Variants in NYAP1 observed in about 807,000 individuals in gnomAD.
NYAP1 encodes neuronal tyrosine phosphorylated phosphoinositide-3-kinase adaptor 1.
A neutral mutation model predicts 58.6 loss-of-function variants in NYAP1; 20 were observed. The observed-to-expected ratio is 0.34, with a 90% CI of 0.24 to 0.50. The LOEUF (loss-of-function observed/expected upper bound fraction) is 0.50, where lower values mean the gene tolerates loss of function less well. Ranked by LOEUF, NYAP1 falls within the 20% of genes least tolerant of loss-of-function variation. NYAP1 has a pLI of 0.98. For missense variants in NYAP1, 1,150 were observed against 1,194.5 expected (o/e 0.96, Z 0.55); for synonymous variants, 572 against 523.1 (o/e 1.09, Z -1.27).
At position 100,485,828 on chromosome 7, in the gene NYAP1, G is replaced by A. The variant is rs1799694881; in HGVS notation, c.68+449G>A. Among the ~76,000 whole-genome samples, 1 of 152,186 alleles carries A rather than the reference G, an allele frequency of 6.6e-6. No homozygotes were observed. The highest frequency in any genetic ancestry group is 2.4e-5 in the African/African-American group (1 of 41,444). ...TGGGGGAGGTGAGTGGTCAAGTGAT[G>A]GGGTTGTGTGTGTGGTGGGCAGACA... On this transcript the variant is annotated intron_variant, in intron 2 of 6. Coordinates refer to ENST00000300179, the MANE Select transcript of NYAP1 (RefSeq NM_173564.4). The surrounding 1 kb of genome is among the most constrained non-coding windows in gnomAD (Gnocchi z 5.7).
chr7:100,484,157 A>T (rs1019109838), intron 1 of NYAP1, among the ~76,000 whole-genome samples, 156 bp downstream of exon 1: 17 of 150,940 alleles, frequency 1.1e-4, no homozygotes, highest in African/African-American at 4.2e-4. Flanking sequence ...CCTTGGATGG[A>T]GAAGGGGGAT....
In NYAP1 at chr7:100,493,982, G is replaced by A. The variant is rs1332879055; in HGVS notation, c.*79G>A. ...GGCTCTCCCGGGAGCCTCGCCTTGA[G>A]AGACATTGAAAGACTACGTGGGAGA... On this transcript the variant is annotated 3_prime_UTR_variant, in exon 7 of 7. Coordinates refer to ENST00000300179, the MANE Select transcript of NYAP1 (RefSeq NM_173564.4). The A allele has an allele frequency of 8.0e-7, 1 of 1,257,856 alleles. No homozygotes were observed. Among genetic ancestry groups the A allele is most frequent in the East Asian group, 2.9e-5 (1 of 34,420 alleles). The allele number at this position is 1,257,856 out of a possible 1,614,324, so 77.9% of individuals were successfully genotyped here.
At chr7:100,492,111 C>T (rs541386533) in intron 6 of NYAP1, among the ~76,000 whole-genome samples, 27 of 151,900 alleles carry the variant, frequency 1.8e-4, no homozygotes, top group African/African-American at 6.5e-4. Flanking sequence ...TTGGGGCAGG[C>T]ACCCGTAATC....
chr7:100,484,449 G>A (rs897117467), intron 1 of NYAP1, among the ~76,000 whole-genome samples: 1 of 152,144 alleles, frequency 6.6e-6, no homozygotes, highest in African/African-American at 2.4e-5. Context: ...GGGAGGCAGA[G>A]ACTAAACCAT....
intron 6 of NYAP1, among the ~76,000 whole-genome samples, chr7:100,492,240 A>C: frequency 6.8e-6 from 1 of 146,232 alleles, no homozygotes; most frequent in East Asian, 2.0e-4. Flanking sequence ...CTCTGTCTCA[A>C]AAAAAAAAAA....
In NYAP1 at chr7:100,491,036, C is replaced by G. The variant is rs776754027; in HGVS notation, c.2209C>G (p.Arg737Gly). ...LGRSASTSGV[R>G]QVVLHTPRPC... is the part of the protein sequence containing the mutation. ...GCGCTCCGCCTCCACCTCCGGAGTC[C>G]GGCAGGTCGTGCTCCACACACCCCG... Residue 737 changes from arginine to glycine, a missense_variant, in exon 6 of 7, where the codon CGG (arginine) becomes GGG (glycine). Arg to Gly is a moderately radical substitution (Grantham distance 125). Transcript: ENST00000300179. The G allele has an allele frequency of 6.4e-7, 1 of 1,559,836 alleles. No individual in the cohort carries two copies. Among genetic ancestry groups the G allele is most frequent in the South Asian group, 1.2e-5 (1 of 84,596 alleles).
At chr7:100,492,327 G>A (rs1169278089) in intron 6 of NYAP1, among the ~76,000 whole-genome samples, 1 of 152,176 alleles carries the variant, frequency 6.6e-6, no homozygotes, top group Non-Finnish European at 1.5e-5. Context: ...GTTGGGAGAG[G>A]ATCTGGGAAG....
At position 100,488,385 on chromosome 7, in the gene NYAP1, G is replaced by A; in HGVS notation, c.664G>A (p.Asp222Asn). ...EEPVYIEMVG[D>N]VFRGGGRSGG... ...GCCTGTGTACATTGAGATGGTGGGG[G>A]ACGTCTTTAGGGGAGGAGGACGAAG... The change falls in exon 4 of 7, where the codon GAC (aspartate) becomes AAC (asparagine). Residue 222 changes from aspartate to asparagine, a missense_variant. By Grantham distance (23) the Asp-to-Asn change is conservative. Coordinates refer to ENST00000300179, the MANE Select transcript of NYAP1 (RefSeq NM_173564.4). The surrounding 1 kb of genome is among the most constrained non-coding windows in gnomAD (Gnocchi z 5.9). The A allele has an allele frequency of 1.9e-6, 3 of 1,597,318 alleles. No individual in the cohort carries two copies. The highest frequency in any genetic ancestry group is 1.3e-5 in the African/African-American group (1 of 74,268).
chr7:100,491,197 T>C (rs1047799099), intron 6 of NYAP1, 102 bp downstream of exon 6: 2 of 766,004 alleles, frequency 2.6e-6, no homozygotes, highest in African/African-American at 3.5e-5. Context: ...CAGTGGCTCA[T>C]GCCTGTAATC....
chr7:100,488,886 C>G lies in NYAP1; in HGVS notation c.1165C>G (p.Pro389Ala), dbSNP rs765956216. Residue 389 changes from proline (P) to alanine (A), a missense_variant, in exon 4 of 7, where the codon CCT (proline) becomes GCT (alanine). Physicochemically the swap from Pro to Ala is conservative, Grantham distance 27 (BLOSUM62 -1). Transcript: ENST00000300179. The surrounding 1 kb of genome is among the most constrained non-coding windows in gnomAD (Gnocchi z 5.9). ...ERETPPPPPPPPAANLLLLGP... is the reference protein window; with the variant it reads ...ERETPPPPPPAPAANLLLLGP... ...GGAGACGCCTCCCCCACCGCCTCCACCTCCTGCTGCCAACCTGCTGCTGCT... is the reference window on the plus strand; with the variant it reads ...GGAGACGCCTCCCCCACCGCCTCCAGCTCCTGCTGCCAACCTGCTGCTGCT... The G allele has an allele frequency of 6.3e-7, 1 of 1,598,588 alleles. No homozygotes were observed.
Position 100,488,979 on chromosome 7 carries a change from G to T in NYAP1, c.1258G>T (p.Gly420Trp). Residue 420 changes from glycine to tryptophan, a missense_variant, in exon 4 of 7, where the codon GGG becomes TGG. Physicochemically the swap from Gly to Trp is radical, Grantham distance 184 (BLOSUM62 -2). Coordinates refer to ENST00000300179, the MANE Select transcript of NYAP1 (RefSeq NM_173564.4). This position sits in a 1 kb window ranked among gnomAD's most constrained non-coding sequence, Gnocchi z 5.9. ...LPPQGSGQPRGERELPNSHSM... is the reference protein window; with the variant it reads ...LPPQGSGQPRWERELPNSHSM... ...ACCCCAGGGCTCTGGCCAGCCCCGG[G>T]GGGAGCGGGAGCTCCCCAACTCCCA... The T allele has an allele frequency of 6.3e-7, 1 of 1,576,700 alleles. No individual in the cohort carries two copies. Among genetic ancestry groups the T allele is most frequent in the African/African-American group, 1.4e-5 (1 of 74,054 alleles).
At chr7:100,484,220 G>T (rs1211272740) in intron 1 of NYAP1, among the ~76,000 whole-genome samples, 2 of 152,100 alleles carry the variant, frequency 1.3e-5, no homozygotes, top group African/African-American at 4.8e-5. Context: ...GTAAGGAGGG[G>T]CGCCTGGGAG....
chr7:100,485,189 C>CT lies in NYAP1; in HGVS notation c.-84-36dup. On this transcript the variant is annotated intron_variant, in intron 1 of 6. Coordinates refer to ENST00000300179, the MANE Select transcript of NYAP1 (RefSeq NM_173564.4). This position sits in a 1 kb window ranked among gnomAD's most constrained non-coding sequence, Gnocchi z 5.7. The stretch of plus-strand genomic sequence containing the variant: ...CATCCCTGGCCCCCACCCATCCCAC[C>CT]TTTCTTTTTTTTCCGTTCTCACCCA... 1 of 610,740 alleles carries CT rather than the reference C, an allele frequency of 1.6e-6. No individual in the cohort carries two copies. The highest frequency in any genetic ancestry group is 3.0e-6 in the Non-Finnish European group (1 of 335,176). 37.8% of individuals were successfully genotyped at this position (610,740 alleles called of 1,614,324 possible).
At chr7:100,484,509 G>C (rs1184312170) in intron 1 of NYAP1, among the ~76,000 whole-genome samples, 1 of 152,118 alleles carries the variant, frequency 6.6e-6, no homozygotes, top group Non-Finnish European at 1.5e-5. Context: ...GCCCAGGCCC[G>C]GGGAAGGACT....
Position 100,488,289 on chromosome 7 carries a change from A to C in NYAP1, c.568A>C (p.Asn190His). 1 of 1,613,402 alleles carries C rather than the reference A, an allele frequency of 6.2e-7. No homozygotes were observed. Among genetic ancestry groups the C allele is most frequent in the Non-Finnish European group, 8.5e-7 (1 of 1,179,778 alleles). The change falls in exon 4 of 7, where the codon AAC becomes CAC. Residue 190 changes from asparagine (N) to histidine (H), a missense_variant. Asn to His is a moderately conservative substitution (Grantham distance 68, BLOSUM62 1). Transcript: ENST00000300179. The surrounding 1 kb of genome is among the most constrained non-coding windows in gnomAD (Gnocchi z 5.9). The stretch of plus-strand genomic sequence containing the variant: ...CCCAGGCCCCTCTCCTCGAGGGGGG[A>C]ACCTGCCTCTTCAGCGCCTCACTAG... ...CPPGPSPRGG[N>H]LPLQRLTRGS...
rs771188306 is a variant in NYAP1, at chr7:100,489,632, C to T, written c.1911C>T (p.Val637=). 1.2e-6 allele frequency: 2 copies of T among 1,602,410 alleles called. No homozygotes were observed. Among genetic ancestry groups the T allele is most frequent in the Admixed American group, 1.7e-5 (1 of 59,112 alleles). The change falls in exon 4 of 7, where the codon GTC becomes GTT. Residue 637 remains valine (V), a synonymous_variant. Coordinates refer to ENST00000300179, the MANE Select transcript of NYAP1 (RefSeq NM_173564.4). ...CAGGCTGGGCCCTGCAGAGGAAGGT[C>T]CTCTATGGAGGGAGAAAAGCAAAGG... The part of the protein sequence containing the change: ...FGAGWALQRK[V]LYGGRKAKEL...
Position 100,489,428 on chromosome 7 carries a change from TG to T in NYAP1, c.1714del (p.Val572CysfsTer2), listed in dbSNP as rs778777876. 1.9e-6 allele frequency: 3 copies of T among 1,612,552 alleles called. No individual in the cohort carries two copies. The highest frequency in any genetic ancestry group is 8.5e-7 in the Non-Finnish European group (1 of 1,179,704). ...RPPAYESLKA[G>X]GVLNKGCGVG... The stretch of plus-strand genomic sequence containing the variant: ...CCCCTGCCTATGAGAGCCTCAAGGC[TG>T]GGGGGGTGCTGAATAAGGGCTGTGG... On this transcript the variant is annotated frameshift_variant, in exon 4 of 7. Transcript: ENST00000300179. LOFTEE classifies it high-confidence loss of function.
At position 100,485,668 on chromosome 7, in the gene NYAP1, T is replaced by C. The variant is rs1799693275; in HGVS notation, c.68+289T>C. Among the ~76,000 whole-genome samples the C allele has an allele frequency of 6.6e-6, 1 of 152,120 alleles. No homozygotes were observed. The highest frequency in any genetic ancestry group is 1.5e-5 in the Non-Finnish European group (1 of 68,028). ...TGTAGCCCTTCTCCTTTCTGCAAAT[T>C]TGGGGCTGGCTGCGGGCTCTCCTGT... On this transcript the variant is annotated intron_variant, in intron 2 of 6. Coordinates refer to ENST00000300179, the MANE Select transcript of NYAP1 (RefSeq NM_173564.4). The surrounding 1 kb of genome is among the most constrained non-coding windows in gnomAD (Gnocchi z 5.7).
chr7:100,494,686 G>C lies in NYAP1; in HGVS notation c.*783G>C, dbSNP rs551137832. On this transcript the variant is annotated 3_prime_UTR_variant, in exon 7 of 7. Transcript: ENST00000300179. Reference sequence around the variant, plus strand: ...GAGGAGGAGGGAAATTTTAGCGGGTGGAGGGGGTGGGCAGGGTATTTATTT... The same window carrying C: ...GAGGAGGAGGGAAATTTTAGCGGGTCGAGGGGGTGGGCAGGGTATTTATTT... 1 of 147,972 alleles carries C rather than the reference G, an allele frequency of 6.8e-6. No homozygotes were observed. Among genetic ancestry groups the C allele is most frequent in the Non-Finnish European group, 1.5e-5 (1 of 67,106 alleles). The allele number at this position is 147,972 out of a possible 1,614,324, so 9.2% of individuals were successfully genotyped here.
Sources: allele counts gnomAD v4.1 joint callset (sites outside exome capture counted in the v4.1 genomes callset), GRCh38; gene constraint gnomAD v4.1.1; non-coding constraint Gnocchi (gnomAD v3.1); transcripts MANE v1.5; gene names NCBI Gene and HGNC (gene_info 2026-07-23, HGNC 2026-07-21).